GULP1: variants seen among roughly 807,000 people sequenced by gnomAD.
GULP1 encodes GULP PTB domain containing engulfment adaptor 1, also known as PTB domain-containing engulfment adapter protein 1.
Under a neutral mutation model 40.9 loss-of-function variants are expected in GULP1, and 19 were observed. The ratio of observed to expected loss-of-function variants is 0.46; its 90% CI spans 0.32 to 0.68. The LOEUF (loss-of-function observed/expected upper bound fraction) is 0.68, where lower values mean the gene tolerates loss of function less well. GULP1 is among the 30% of genes least tolerant of loss of function. GULP1 has a pLI of 0.03. For synonymous variants in GULP1, 119 were observed against 117.6 expected (o/e 1.01, Z -0.08); for missense variants, 312 against 362.2 (o/e 0.86, Z 1.12).
At chr2:188,515,444 C>T (rs945068668) in intron 4 of GULP1, among the ~76,000 whole-genome samples, 1 of 152,148 alleles carries the variant, frequency 6.6e-6, no homozygotes, top group Admixed American at 6.5e-5. Context: ...CTTCCTCAGA[C>T]TCCAGCACTG....
At chr2:188,557,977 A>G (rs1167113354) in intron 7 of GULP1, among the ~76,000 whole-genome samples, 1 of 152,156 alleles carries the variant, frequency 6.6e-6, no homozygotes, top group Admixed American at 6.5e-5. Context: ...CCATGAAACC[A>G]TTCTTCCCTC....
chr2:188,470,075 G>T (rs1307798115), intron 2 of GULP1, among the ~76,000 whole-genome samples: 1 of 151,950 alleles, frequency 6.6e-6, no homozygotes, highest in African/African-American at 2.4e-5. Flanking sequence ...TGGCCTCATA[G>T]AATGAGTTTG....
intron 1 of GULP1, among the ~76,000 whole-genome samples, chr2:188,379,382 A>G (rs149944972): frequency 2.0e-4 from 30 of 152,356 alleles, no homozygotes; most frequent in African/African-American, 7.0e-4. Context: ...TTCCTGGAAT[A>G]GAAAAACCCA....
intron 4 of GULP1, among the ~76,000 whole-genome samples, chr2:188,493,938 A>G (rs1469166169): frequency 6.6e-6 from 1 of 151,982 alleles, no homozygotes; most frequent in Non-Finnish European, 1.5e-5. Context: ...CTTCTCTAAT[A>G]ACTCAAACTC....
intron 7 of GULP1, among the ~76,000 whole-genome samples, chr2:188,543,722 A>G (rs1424915899): frequency 6.6e-6 from 1 of 152,158 alleles, no homozygotes; most frequent in Non-Finnish European, 1.5e-5. Context: ...AGTAGTCAGT[A>G]GAATCAGGAC....
chr2:188,322,857 T>G (rs1036860401), intron 1 of GULP1, among the ~76,000 whole-genome samples: 1 of 152,098 alleles, frequency 6.6e-6, no homozygotes, highest in Non-Finnish European at 1.5e-5. Flanking sequence ...GTCTTAGGTA[T>G]TTTCTCACTC....
At position 188,292,471 on chromosome 2, in the gene GULP1, C is replaced by T. The variant is rs899066835; in HGVS notation, c.-172+305C>T. ...GCGAGGTCGGGGACGCAGCGGTCTC[C>T]GGGCTCCAGAAACCTCCTTAGCCTT... On this transcript the variant is annotated intron_variant, in intron 1 of 11. Transcript: ENST00000409830. This position sits in a 1 kb window ranked among gnomAD's most constrained non-coding sequence, Gnocchi z 4.0. Among the ~76,000 whole-genome samples, 1 of 152,200 alleles carries T rather than the reference C, an allele frequency of 6.6e-6. No homozygotes were observed. Among genetic ancestry groups the T allele is most frequent in the Non-Finnish European group, 1.5e-5 (1 of 68,032 alleles).
intron 1 of GULP1, among the ~76,000 whole-genome samples, chr2:188,363,850 A>G (rs933281161): frequency 1.3e-5 from 2 of 152,132 alleles, no homozygotes; most frequent in Non-Finnish European, 2.9e-5. Flanking sequence ...GCTTATTTCT[A>G]TGTGTCTAAT....
At chr2:188,505,271 C>T (rs1200642398) in intron 4 of GULP1, among the ~76,000 whole-genome samples, 2 of 151,762 alleles carry the variant, frequency 1.3e-5, no homozygotes, top group African/African-American at 2.4e-5. Context: ...TATCCTGTAG[C>T]ACCTGCTATA....
intron 6 of GULP1, among the ~76,000 whole-genome samples, chr2:188,540,889 T>G (rs1422308939): frequency 3.9e-5 from 6 of 152,154 alleles, no homozygotes; most frequent in Non-Finnish European, 8.8e-5. Flanking sequence ...AAGTATATGA[T>G]TTCTCAAGAG....
intron 2 of GULP1, among the ~76,000 whole-genome samples, chr2:188,401,171 G>A (rs1028682227): frequency 6.6e-6 from 1 of 151,758 alleles, no homozygotes; most frequent in South Asian, 2.1e-4. Context: ...AAGTATATAT[G>A]ATTACTATAG....
At chr2:188,444,239 A>G (rs1279243526) in intron 2 of GULP1, among the ~76,000 whole-genome samples, 2 of 152,188 alleles carry the variant, frequency 1.3e-5, no homozygotes, top group African/African-American at 2.4e-5. Flanking sequence ...GTAGTTAATA[A>G]CATATTGTAT....
At chr2:188,497,838 A>G (rs894246422) in intron 4 of GULP1, among the ~76,000 whole-genome samples, 2 of 152,004 alleles carry the variant, frequency 1.3e-5, no homozygotes, top group African/African-American at 4.8e-5. Context: ...CAAAAACATG[A>G]GGAATCTGAG....
intron 9 of GULP1, among the ~76,000 whole-genome samples, chr2:188,571,865 G>T (rs1296120817): frequency 2.0e-5 from 3 of 152,156 alleles, no homozygotes; most frequent in African/African-American, 4.8e-5. Context: ...ATGAAGAGTA[G>T]CTTTGCTTTC....
chr2:188,322,020 T>C (rs1436161168), intron 1 of GULP1, among the ~76,000 whole-genome samples: 1 of 152,082 alleles, frequency 6.6e-6, no homozygotes, highest in African/African-American at 2.4e-5. Flanking sequence ...AGTGAAACTC[T>C]GTCTCAAAAA....
chr2:188,369,399 A>AG (rs2047303138), intron 1 of GULP1, among the ~76,000 whole-genome samples: 1 of 151,934 alleles, frequency 6.6e-6, no homozygotes, highest in African/African-American at 2.4e-5. Flanking sequence ...AAGAAAAAAA[A>AG]AAACTCACTC....
intron 4 of GULP1, among the ~76,000 whole-genome samples, chr2:188,483,919 TTTTTA>T (rs749108502): frequency 4.6e-5 from 7 of 152,106 alleles, no homozygotes; most frequent in Non-Finnish European, 1.0e-4. Context: ...AAAGTTTAAA[TTTTTA>T]TTTTATTTTA....
chr2:188,480,778 T>C (rs2061389024), intron 3 of GULP1, among the ~76,000 whole-genome samples: 1 of 151,890 alleles, frequency 6.6e-6, no homozygotes, highest in Admixed American at 6.6e-5. Flanking sequence ...AAATAACATG[T>C]GAATAAATGA....
chr2:188,305,935 G>A (rs1437864374), intron 1 of GULP1, among the ~76,000 whole-genome samples: 1 of 151,926 alleles, frequency 6.6e-6, no homozygotes, highest in South Asian at 2.1e-4. Context: ...GTGCCACTGC[G>A]CCTGGCTAAT....
Sources: gnomAD v4.1 joint callset for allele counts (sites outside exome capture counted in the v4.1 genomes callset) on GRCh38, gnomAD v4.1.1 for gene constraint, Gnocchi (gnomAD v3.1) non-coding constraint, MANE v1.5 for transcripts, NCBI Gene and HGNC (gene_info 2026-07-23, HGNC 2026-07-21) for gene names.